APOL2: variants seen among roughly 807,000 people sequenced by gnomAD.
The protein encoded by APOL2 is apolipoprotein L2.
Under a neutral mutation model 7.1 loss-of-function variants are expected in APOL2, and 8 were observed. That is an observed-to-expected ratio of 1.12 (90% CI 0.66 to 2.03). The LOEUF (loss-of-function observed/expected upper bound fraction) is 2.03. Ranked by LOEUF, APOL2 falls within the 30% of genes most tolerant of loss-of-function variation. The probability of loss-of-function intolerance (pLI) is 0.00; values close to 1 mark genes in which losing one functional copy is unlikely to be tolerated. For synonymous variants in APOL2, 177 were observed against 159.9 expected, an observed-to-expected ratio of 1.11 and a Z score of -0.81; for missense variants, 471 against 415.1, an observed-to-expected ratio of 1.13 and a Z score of -1.17.
rs759546647 is a variant in APOL2, at chr22:36,237,144, C to T, written c.-134+2297G>A. 5 of 1,527,012 alleles carry T rather than the reference C, an allele frequency of 3.3e-6. No individual in the cohort carries two copies. The Admixed American group carries it at 6.1e-5, about 19-fold the overall frequency. 94.6% of individuals were successfully genotyped at this position (1,527,012 alleles called of 1,614,324 possible). On this transcript the variant is annotated intron_variant, in intron 1 of 4. Transcript: ENST00000358502. ...CCTGGCTCCCACCTTTGTCTGGAGC[C>T]TCTGCTGGGGGTTGAGGCTGGATAC...
intron 3 of APOL2, among the ~76,000 whole-genome samples, chr22:36,232,227 G>A (rs1279886248): frequency 1.3e-5 from 2 of 152,216 alleles, no homozygotes; most frequent in Non-Finnish European, 2.9e-5. Flanking sequence ...TTCCAGTTTG[G>A]TTTTCTCAAT....
intron 1 of APOL2, chr22:36,236,670 C>T: frequency 5.1e-6 from 5 of 985,416 alleles, no homozygotes; most frequent in Non-Finnish European, 6.0e-6. Flanking sequence ...ATTTTAACAG[C>T]TCAGTGGTTC....
Position 36,230,021 on chromosome 22 carries a change from C to T in APOL2, c.137+1319G>A, listed in dbSNP as rs144665510. Among the ~76,000 whole-genome samples the T allele has an allele frequency of 1.8e-3, 277 of 152,370 alleles. 1 individual carries two copies. The highest frequency in any genetic ancestry group is 6.4e-3 in the African/African-American group (266 of 41,590). On this transcript the variant is annotated intron_variant, in intron 4 of 4. Coordinates refer to ENST00000358502, the MANE Select transcript of APOL2 (RefSeq NM_030882.4). The stretch of plus-strand genomic sequence containing the variant: ...GTCACCAGCCTAACTGATGCCTTAG[C>T]AGTGACAGCTTCACCTGTGTGCACA...
In APOL2 at chr22:36,227,624, G is replaced by T; in HGVS notation, c.794C>A (p.Ala265Asp). Residue 265 changes from alanine to aspartate, a missense_variant, in exon 5 of 5, where the codon GCC becomes GAC. Transcript: ENST00000358502. ...EQVERVVEGP[A>D]QAMSRGTMIV... ...CATGGTTCCTCTGCTCATTGCCTGG[G>T]CGGGGCCTTCAACAACCCTCTCAAC... 3.7e-6 allele frequency: 6 copies of T among 1,614,232 alleles called. No homozygotes were observed. The highest frequency in any genetic ancestry group is 3.4e-6 in the Non-Finnish European group (4 of 1,180,032).
chr22:36,227,771 A>G lies in APOL2; in HGVS notation c.647T>C (p.Val216Ala). 1 of 1,614,154 alleles carries G rather than the reference A, an allele frequency of 6.2e-7. No individual in the cohort carries two copies. The highest frequency in any genetic ancestry group is 8.5e-7 in the Non-Finnish European group (1 of 1,180,022). The change falls in exon 5 of 5, where the codon GTC becomes GCC. Residue 216 changes from valine to alanine, a missense_variant. Physicochemically the swap from Val to Ala is moderately conservative, Grantham distance 64 (BLOSUM62 0). Coordinates refer to ENST00000358502, the MANE Select transcript of APOL2 (RefSeq NM_030882.4). Reference protein sequence around the residue: ...VLTLVDNWYQVTQGIGRNIRA... With the variant: ...VLTLVDNWYQATQGIGRNIRA... Reference sequence around the variant, plus strand: ...GATGTTCCTCCCAATCCCTTGTGTGACTTGGTACCAATTGTCAACTAAGGT... The same window carrying G: ...GATGTTCCTCCCAATCCCTTGTGTGGCTTGGTACCAATTGTCAACTAAGGT...
At chr22:36,232,863 G>A (rs2015272536) in intron 3 of APOL2, among the ~76,000 whole-genome samples, 1 of 150,422 alleles carries the variant, frequency 6.6e-6, no homozygotes, top group African/African-American at 2.5e-5. Context: ...CCCCTCTCTT[G>A]CTTGTTCCAC....
chr22:36,235,980 T>C (rs564985628), intron 1 of APOL2, among the ~76,000 whole-genome samples: 2 of 151,684 alleles, frequency 1.3e-5, no homozygotes, highest in East Asian at 1.9e-4. Flanking sequence ...AGGGACTCAA[T>C]AGAATACCTC....
At position 36,226,950 on chromosome 22, in the gene APOL2, T is replaced by C. The variant is rs528050292; in HGVS notation, c.*454A>G. ...TAACCCCTCCCTTGCTGTGCTCAGC[T>C]ACACAAATGCCAAAGTCACTAACAC... On this transcript the variant is annotated 3_prime_UTR_variant, in exon 5 of 5. Coordinates refer to ENST00000358502, the MANE Select transcript of APOL2 (RefSeq NM_030882.4). 4 of 167,906 alleles carry C rather than the reference T, an allele frequency of 2.4e-5. No homozygotes were observed. The South Asian group carries it at 6.1e-4, about 25-fold the overall frequency. 10.4% of individuals were successfully genotyped at this position (167,906 alleles called of 1,614,324 possible). A position where few individuals can be genotyped will look rare whatever the true frequency, so the allele number is the denominator to read the frequency against.
chr22:36,237,082 C>A, intron 1 of APOL2: 1 of 1,531,630 alleles, frequency 6.5e-7, no homozygotes. Context: ...TTGTGAGGAG[C>A]TGCATCCAGG....
intron 1 of APOL2, among the ~76,000 whole-genome samples, chr22:36,235,153 C>T (rs150384951): frequency 1.3e-3 from 199 of 152,282 alleles, no homozygotes; most frequent in African/African-American, 4.5e-3. Context: ...ACCAGGCCCA[C>T]GTGCCATATG....
chr22:36,228,324 A>C (rs768783142), intron 4 of APOL2, 44 bp from the exon 5 acceptor site: 2 of 1,564,708 alleles, frequency 1.3e-6, no homozygotes, highest in Middle Eastern at 1.9e-4. Flanking sequence ...CAGTTTCCCT[A>C]TCTGTGAAAT....
Position 36,227,474 on chromosome 22 carries a change from T to A in APOL2, c.944A>T (p.Gln315Leu). The stretch of plus-strand genomic sequence containing the variant: ...AAAGTTGAGCTTCCCCTCCAGCTCC[T>A]GAGCCCGCTTCTTCAGCTCCTCAGC... Reference protein sequence around the residue: ...ESAEELKKRAQELEGKLNFLT... With the variant: ...ESAEELKKRALELEGKLNFLT... Residue 315 changes from glutamine (Q) to leucine (L), a missense_variant, in exon 5 of 5, where the codon CAG becomes CTG. Gln to Leu is a moderately radical substitution (Grantham distance 113). Coordinates refer to ENST00000358502, the MANE Select transcript of APOL2 (RefSeq NM_030882.4). The A allele has an allele frequency of 6.2e-7, 1 of 1,614,202 alleles. No homozygotes were observed. The highest frequency in any genetic ancestry group is 8.5e-7 in the Non-Finnish European group (1 of 1,180,014).
At chr22:36,238,177 C>T (rs2015476076) in intron 1 of APOL2, among the ~76,000 whole-genome samples, 2 of 152,214 alleles carry the variant, frequency 1.3e-5, no homozygotes, top group Admixed American at 6.5e-5. Context: ...GACCTGGATG[C>T]CCTCCGCCCT....
rs558827948 is a variant in APOL2 at position 36,237,250 on chromosome 22, C to T, written c.-134+2191G>A. 7.4e-5 allele frequency: 101 copies of T among 1,361,170 alleles called. 4 individuals carry two copies. In the South Asian group the frequency reaches 1.1e-3, roughly 15 times the overall value. 84.3% of individuals were successfully genotyped at this position (1,361,170 alleles called of 1,614,324 possible). ...TGGTCAATTCCGGTGTCCAACTGAG[C>T]GACCTGGAAGAGGAGCCCTCCCTCC... On this transcript the variant is annotated intron_variant, in intron 1 of 4. Coordinates refer to ENST00000358502, the MANE Select transcript of APOL2 (RefSeq NM_030882.4).
In APOL2 at chr22:36,228,013, C is replaced by G. The variant is rs1210010509; in HGVS notation, c.405G>C (p.Leu135=). The G allele has an allele frequency of 1.2e-6, 2 of 1,614,222 alleles. No individual in the cohort carries two copies. Among genetic ancestry groups the G allele is most frequent in the Non-Finnish European group, 8.5e-7 (1 of 1,180,038 alleles). ...TTCCTTCTGTGAAGGGTGCCAGACC[C>G]AGGCCGAGGAGGGTCAGGATGCCAG... ...TTSGILTLLG[L]GLAPFTEGIS... is the part of the protein sequence containing the mutation. Residue 135 remains leucine (L), a synonymous_variant, in exon 5 of 5, where the codon CTG becomes CTC. Transcript: ENST00000358502.
At chr22:36,233,934 G>C (rs1317775132) in intron 1 of APOL2, among the ~76,000 whole-genome samples, 2 of 152,152 alleles carry the variant, frequency 1.3e-5, no homozygotes, top group East Asian at 1.9e-4. Context: ...TGGTGCTGCA[G>C]TGGACAGCCT....
At chr22:36,229,164 T>C (rs2015130143) in intron 4 of APOL2, among the ~76,000 whole-genome samples, 1 of 152,190 alleles carries the variant, frequency 6.6e-6, no homozygotes, top group African/African-American at 2.4e-5. Context: ...TGTTATCTGA[T>C]CATGCTCCTC....
intron 4 of APOL2, among the ~76,000 whole-genome samples, chr22:36,230,677 A>G (rs969798190): frequency 9.2e-5 from 14 of 152,090 alleles, no homozygotes; most frequent in African/African-American, 3.4e-4. Context: ...CCACACTCCT[A>G]TGACATTGAA....
At position 36,228,102 on chromosome 22, in the gene APOL2, C is replaced by A. The variant is rs746625417; in HGVS notation, c.316G>T (p.Val106Phe). Residue 106 changes from valine (V) to phenylalanine (F), a missense_variant, in exon 5 of 5, where the codon GTT becomes TTT. By Grantham distance (50) the Val-to-Phe change is conservative. Coordinates refer to ENST00000358502, the MANE Select transcript of APOL2 (RefSeq NM_030882.4). ...GTGGTGCCTCTGTGGACCTGCTCAACCTCCTCTGCAAGGGCACGGAGCTTC... is the reference window on the plus strand; with the variant it reads ...GTGGTGCCTCTGTGGACCTGCTCAAACTCCTCTGCAAGGGCACGGAGCTTC... The part of the protein sequence containing the change: ...IRKLRALAEE[V>F]EQVHRGTTIA... The A allele has an allele frequency of 8.1e-6, 13 of 1,614,124 alleles. No homozygotes were observed. The Admixed American group carries it at 1.8e-4, about 23-fold the overall frequency.
Sources: gnomAD v4.1 joint callset for allele counts (sites outside exome capture counted in the v4.1 genomes callset) on GRCh38, gnomAD v4.1.1 for gene constraint, MANE v1.5 for transcripts, NCBI Gene and HGNC (gene_info 2026-07-23, HGNC 2026-07-21) for gene names.